Variants in CMIP observed in about 807,000 individuals in gnomAD.
CMIP encodes the protein C-Maf-inducing protein.
Under a neutral mutation model 97.3 loss-of-function variants are expected in CMIP, and 13 were observed. The ratio of observed to expected loss-of-function variants is 0.13; its 90% CI spans 0.09 to 0.21. CMIP has a LOEUF of 0.21. CMIP is among the 10% of genes least tolerant of loss of function. CMIP has a pLI of 1.00. For synonymous variants in CMIP, 538 were observed against 436.3 expected (o/e 1.23, Z -2.91); for missense variants, 847 against 1,024.9 (o/e 0.83, Z 2.37).
intron 1 of CMIP, among the ~76,000 whole-genome samples, chr16:81,523,515 G>A (rs188413573): frequency 6.1e-4 from 93 of 152,234 alleles, no homozygotes; most frequent in Middle Eastern, 6.8e-3. Flanking sequence ...CTTCCCTCAC[G>A]ATACCTCAAG....
intron 1 of CMIP, among the ~76,000 whole-genome samples, chr16:81,451,156 C>G (rs1159161063): frequency 2.0e-5 from 3 of 152,156 alleles, no homozygotes; most frequent in Admixed American, 2.0e-4. Flanking sequence ...AGTTGTAGCT[C>G]CCATAATTCC....
intron 1 of CMIP, among the ~76,000 whole-genome samples, chr16:81,587,907 C>T (rs2091408099): frequency 6.6e-6 from 1 of 152,192 alleles, no homozygotes; most frequent in Non-Finnish European, 1.5e-5. Flanking sequence ...GAGTCAAGCT[C>T]CCTTGTCACA....
intron 1 of CMIP, chr16:81,476,068 C>T: frequency 1.4e-6 from 1 of 733,198 alleles, no homozygotes; most frequent in South Asian, 1.3e-5. Flanking sequence ...TCTTGCTGGT[C>T]TTGCCATTCC....
At chr16:81,536,482 A>T (rs151283028) in intron 1 of CMIP, among the ~76,000 whole-genome samples, 2 of 152,240 alleles carry the variant, frequency 1.3e-5, no homozygotes, top group African/African-American at 4.8e-5. Flanking sequence ...GATAAGATAC[A>T]CAGAACATAA....
chr16:81,639,305 G>C (rs916009824), intron 3 of CMIP, among the ~76,000 whole-genome samples: 1 of 152,272 alleles, frequency 6.6e-6, no homozygotes, highest in Non-Finnish European at 1.5e-5. Context: ...ATTTGAACCA[G>C]GTTTAGGTGG....
intron 1 of CMIP, among the ~76,000 whole-genome samples, chr16:81,521,433 C>T (rs981016301): frequency 3.9e-5 from 6 of 152,046 alleles, no homozygotes; most frequent in Non-Finnish European, 8.8e-5. Flanking sequence ...CTCTGTAGAA[C>T]CACCGGTGAC....
chr16:81,672,200 G>A (rs2092689399), intron 9 of CMIP, 130 bp downstream of exon 9: 1 of 574,066 alleles, frequency 1.7e-6, no homozygotes, highest in African/African-American at 1.9e-5. Flanking sequence ...AGACCTCATG[G>A]TGTGTTTGCC....
At chr16:81,594,923 G>A (rs914116022) in intron 1 of CMIP, among the ~76,000 whole-genome samples, 1 of 151,478 alleles carries the variant, frequency 6.6e-6, no homozygotes, top group East Asian at 1.9e-4. Flanking sequence ...GAGCCACCGC[G>A]CCCGGCCATA....
At chr16:81,573,909 A>G (rs1008921428) in intron 1 of CMIP, among the ~76,000 whole-genome samples, 1 of 152,110 alleles carries the variant, frequency 6.6e-6, no homozygotes. Flanking sequence ...TCTCAGAAAT[A>G]AGACATGCTT....
intron 1 of CMIP, among the ~76,000 whole-genome samples, chr16:81,597,292 A>T (rs2091573235): frequency 6.6e-6 from 1 of 152,116 alleles, no homozygotes; most frequent in Admixed American, 6.5e-5. Context: ...ATCATTTTTC[A>T]TCTTTTCCAT....
intron 1 of CMIP, among the ~76,000 whole-genome samples, chr16:81,523,896 G>A (rs1007556309): frequency 6.6e-6 from 1 of 152,248 alleles, no homozygotes; most frequent in African/African-American, 2.4e-5. Flanking sequence ...AAGGCGTCTT[G>A]AACTAAAAGC....
At chr16:81,589,157 C>T (rs867880684) in intron 1 of CMIP, among the ~76,000 whole-genome samples, 1 of 151,728 alleles carries the variant, frequency 6.6e-6, no homozygotes, top group Non-Finnish European at 1.5e-5. Context: ...AGTGCAGTGG[C>T]GTGATCTCGG....
intron 1 of CMIP, among the ~76,000 whole-genome samples, chr16:81,470,589 T>A (rs989291338): frequency 7.2e-5 from 11 of 152,244 alleles, no homozygotes; most frequent in Non-Finnish European, 1.5e-4. Context: ...CTTGGGGTTA[T>A]ACTGGCTGGA....
intron 1 of CMIP, among the ~76,000 whole-genome samples, chr16:81,504,641 CAAAAAAA>C (rs149715666): frequency 1.9e-3 from 139 of 71,992 alleles, no homozygotes; most frequent in African/African-American, 7.2e-3. Context: ...AGACTCGTCT[CAAAAAAA>C]AAAAAAAAAA....
At chr16:81,650,994 T>G (rs2092421809) in intron 3 of CMIP, among the ~76,000 whole-genome samples, 1 of 152,134 alleles carries the variant, frequency 6.6e-6, no homozygotes, top group Non-Finnish European at 1.5e-5. Context: ...ACTTGATAAT[T>G]CCTAGCTCAG....
In CMIP at chr16:81,693,570, T is replaced by C. The variant is rs543915414; in HGVS notation, c.1530+83T>C. 2.8e-4 allele frequency: 403 copies of C among 1,447,268 alleles called. 1 individual carries two copies. The East Asian group carries it at 3.3e-3, about 12-fold the overall frequency. 89.7% of individuals were successfully genotyped at this position (1,447,268 alleles called of 1,614,324 possible). A position where few individuals can be genotyped will look rare whatever the true frequency, so the allele number is the denominator to read the frequency against. On this transcript the variant is annotated intron_variant, in intron 13 of 20. Coordinates refer to ENST00000537098, the MANE Select transcript of CMIP (RefSeq NM_198390.3). ...GGGCCCCTTAGAGGCCTTCTGAAGC[T>C]TGTCACCAACAGGCATTCAGAACAG...
chr16:81,619,174 T>C (rs926255901), intron 2 of CMIP: 1 of 152,236 alleles, frequency 6.6e-6, no homozygotes. Flanking sequence ...AGGGCTTGCC[T>C]CCTGCCTGCT....
At position 81,445,524 on chromosome 16, in the gene CMIP, A is replaced by G. The variant is rs753876799; in HGVS notation, c.283A>G (p.Ser95Gly). The change falls in exon 1 of 21, where the codon AGC (serine) becomes GGC (glycine). Residue 95 changes from serine (S) to glycine (G), a missense_variant. Coordinates refer to ENST00000537098, the MANE Select transcript of CMIP (RefSeq NM_198390.3). ...EPHHLTLADN[S>G]LASATPTGYM... Reference sequence around the variant, plus strand: ...GCACCACCTAACGCTGGCCGACAACAGCCTGGCGTCCGCCACGGTGAGTGG... The same window carrying G: ...GCACCACCTAACGCTGGCCGACAACGGCCTGGCGTCCGCCACGGTGAGTGG... 3.2e-6 allele frequency: 5 copies of G among 1,548,930 alleles called. No homozygotes were observed. In the South Asian group the frequency reaches 3.6e-5, roughly 11 times the overall value.
intron 1 of CMIP, among the ~76,000 whole-genome samples, chr16:81,501,388 G>A (rs1056165278): frequency 1.6e-4 from 24 of 152,200 alleles, no homozygotes; most frequent in Non-Finnish European, 2.2e-4. Flanking sequence ...GGCCCCAGGG[G>A]GAGCTCTGGC....
Sources: allele counts gnomAD v4.1 joint callset (sites outside exome capture counted in the v4.1 genomes callset), GRCh38; gene constraint gnomAD v4.1.1; transcripts MANE v1.5; gene names NCBI Gene and HGNC (gene_info 2026-07-23, HGNC 2026-07-21).